Variants in ADAMTS20 observed in about 807,000 individuals in gnomAD.
ADAMTS20 encodes A disintegrin and metalloproteinase with thrombospondin motifs 20.
A neutral mutation model predicts 260.1 loss-of-function variants in ADAMTS20; 225 were observed. The observed-to-expected ratio is 0.87, with a 90% CI of 0.78 to 0.97. ADAMTS20 has a LOEUF of 0.97. Ranked by LOEUF, ADAMTS20 falls within the 50% of genes least tolerant of loss-of-function variation. The pLI is 0.00. For missense variants in ADAMTS20, 2,400 were observed against 2,337.7 expected (o/e 1.03, Z -0.55); for synonymous variants, 802 against 769.5 (o/e 1.04, Z -0.70).
intron 7 of ADAMTS20, among the ~76,000 whole-genome samples, chr12:43,479,121 A>G (rs1942403131): frequency 6.6e-6 from 1 of 152,214 alleles, no homozygotes; most frequent in Non-Finnish European, 1.5e-5. Flanking sequence ...GCTCAGACAC[A>G]CCAACTCTAT....
intron 32 of ADAMTS20, 31 bp from the exon 33 acceptor site, chr12:43,376,684 T>C: frequency 6.3e-7 from 1 of 1,585,888 alleles, no homozygotes; most frequent in Non-Finnish European, 8.5e-7. Flanking sequence ...GAAGGCAAAC[T>C]ATATTATGAA....
At chr12:43,393,529 T>G (rs550005968) in intron 29 of ADAMTS20, among the ~76,000 whole-genome samples, 17 of 152,140 alleles carry the variant, frequency 1.1e-4, no homozygotes, top group African/African-American at 1.9e-4. Context: ...GGAGCAGAGA[T>G]AAGGAAATAT....
At chr12:43,525,633 A>G (rs1458913244) in intron 3 of ADAMTS20, among the ~76,000 whole-genome samples, 6 of 152,222 alleles carry the variant, frequency 3.9e-5, no homozygotes, top group African/African-American at 9.6e-5. Context: ...CAAGAGACTC[A>G]CCTAACACAA....
chr12:43,471,301 G>A (rs1384514925), intron 7 of ADAMTS20, among the ~76,000 whole-genome samples: 1 of 151,860 alleles, frequency 6.6e-6, no homozygotes, highest in Non-Finnish European at 1.5e-5. Context: ...GGCGCACCAC[G>A]GGACTATATC....
In ADAMTS20 at chr12:43,440,037, T is replaced by G. The variant is rs994917651; in HGVS notation, c.2323A>C (p.Asn775His). ...GACGTACTTAGAAGAAAATTTCCAT[T>G]GAAAAGAAAATTCCCTTCAGCGTCA... ...LSDAEGNFLF[N>H]GNFLLSTSKK... Residue 775 changes from asparagine to histidine, a missense_variant, in exon 17 of 39, where the codon AAT becomes CAT. Coordinates refer to ENST00000389420, the MANE Select transcript of ADAMTS20 (RefSeq NM_025003.5). 3.2e-6 allele frequency: 5 copies of G among 1,562,238 alleles called. No homozygotes were observed. Among genetic ancestry groups the G allele is most frequent in the Non-Finnish European group, 4.3e-6 (5 of 1,152,164 alleles).
intron 15 of ADAMTS20, among the ~76,000 whole-genome samples, chr12:43,445,001 T>C (rs1409700876): frequency 6.6e-6 from 1 of 152,214 alleles, no homozygotes; most frequent in African/African-American, 2.4e-5. Flanking sequence ...ACAAGAATAA[T>C]TTTAATTAAC....
At chr12:43,524,978 C>T (rs901311228) in intron 3 of ADAMTS20, among the ~76,000 whole-genome samples, 10 of 152,284 alleles carry the variant, frequency 6.6e-5, no homozygotes, top group Admixed American at 2.0e-4. Context: ...TTGAGGAAAA[C>T]TTCCCAGGCC....
chr12:43,367,859 T>C (rs961821606), intron 37 of ADAMTS20, among the ~76,000 whole-genome samples: 2 of 152,000 alleles, frequency 1.3e-5, no homozygotes, highest in African/African-American at 4.8e-5. Flanking sequence ...TCCATACAAA[T>C]ATAGGCAAAA....
At chr12:43,396,784 T>A (rs1940713253) in intron 29 of ADAMTS20, among the ~76,000 whole-genome samples, 1 of 152,186 alleles carries the variant, frequency 6.6e-6, no homozygotes, top group Non-Finnish European at 1.5e-5. Flanking sequence ...GATGATGGAT[T>A]CACTATTGTG....
At chr12:43,425,753 T>C (rs953084207) in intron 27 of ADAMTS20, 63 bp from the exon 28 acceptor site, 1 of 1,135,816 alleles carries the variant, frequency 8.8e-7, no homozygotes, top group African/African-American at 1.6e-5. Context: ...ATTGCTTCAT[T>C]CAATGTTTAA....
At chr12:43,419,256 A>G (rs931741332) in intron 28 of ADAMTS20, among the ~76,000 whole-genome samples, 1 of 152,150 alleles carries the variant, frequency 6.6e-6, no homozygotes, top group Non-Finnish European at 1.5e-5. Context: ...CATTCTCAAA[A>G]TGTTCTACTG....
intron 3 of ADAMTS20, among the ~76,000 whole-genome samples, chr12:43,514,224 T>C (rs1942965363): frequency 6.6e-6 from 1 of 151,428 alleles, no homozygotes; most frequent in South Asian, 2.1e-4. Flanking sequence ...AGCTCTGGGA[T>C]TAAAGGCATG....
chr12:43,433,291 T>C (rs745528738), intron 19 of ADAMTS20, among the ~76,000 whole-genome samples: 5 of 152,232 alleles, frequency 3.3e-5, no homozygotes, highest in Non-Finnish European at 7.3e-5. Context: ...TATTTAGACA[T>C]GTTTCCAGGT....
intron 36 of ADAMTS20, among the ~76,000 whole-genome samples, chr12:43,373,968 C>T (rs1209591173): frequency 1.3e-5 from 2 of 151,762 alleles, no homozygotes; most frequent in African/African-American, 2.4e-5. Flanking sequence ...CGTGAGTCAC[C>T]GCGCCCGGCC....
chr12:43,402,576 T>A (rs1230003883), intron 28 of ADAMTS20, among the ~76,000 whole-genome samples: 1 of 152,000 alleles, frequency 6.6e-6, no homozygotes, highest in African/African-American at 2.4e-5. Flanking sequence ...GAATGAGGCA[T>A]CCATAGAGTA....
rs140973351 is a variant in ADAMTS20, at chr12:43,436,809, T to C, written c.2594-2438A>G. On this transcript the variant is annotated intron_variant, in intron 18 of 38. Coordinates refer to ENST00000389420, the MANE Select transcript of ADAMTS20 (RefSeq NM_025003.5). Reference sequence around the variant, plus strand: ...GCTGGCACCATGCCAACTTCTGTTATCCCGCAGCACCCTCATGACAATCAG... The same window carrying C: ...GCTGGCACCATGCCAACTTCTGTTACCCCGCAGCACCCTCATGACAATCAG... Among the ~76,000 whole-genome samples, 847 of 152,256 alleles carry C rather than the reference T, an allele frequency of 5.6e-3. 2 individuals are homozygous for C. Among genetic ancestry groups the C allele is most frequent in the Non-Finnish European group, 7.7e-3 (524 of 68,014 alleles).
chr12:43,480,806 G>A (rs1190881123), intron 7 of ADAMTS20, among the ~76,000 whole-genome samples: 2 of 152,176 alleles, frequency 1.3e-5, no homozygotes, highest in Non-Finnish European at 2.9e-5. Context: ...CTGAGGGAGT[G>A]TGGGCAGATA....
chr12:43,420,660 G>C (rs185187839), intron 28 of ADAMTS20, among the ~76,000 whole-genome samples: 7 of 152,036 alleles, frequency 4.6e-5, no homozygotes, highest in Admixed American at 2.0e-4. Flanking sequence ...GGAGCTACAG[G>C]GGGAGGCAGA....
intron 4 of ADAMTS20, among the ~76,000 whole-genome samples, chr12:43,498,408 A>C (rs1227010041): frequency 6.6e-6 from 1 of 151,946 alleles, no homozygotes; most frequent in African/African-American, 2.4e-5. Flanking sequence ...CAATCCTGAA[A>C]GCATTCCCCT....
Sources: allele counts gnomAD v4.1 joint callset (sites outside exome capture counted in the v4.1 genomes callset), GRCh38; gene constraint gnomAD v4.1.1; transcripts MANE v1.5; gene names NCBI Gene and HGNC (gene_info 2026-07-23, HGNC 2026-07-21).